Variants in CASD1 observed in about 807,000 individuals in gnomAD.
The protein encoded by CASD1 is N-acetylneuraminate (7)9-O-acetyltransferase.
A neutral mutation model predicts 100.0 loss-of-function variants in CASD1; 41 were observed. The observed-to-expected ratio is 0.41, with a 90% confidence interval of 0.32 to 0.53. The LOEUF is 0.53. Among genes scored for constraint, CASD1 ranks in the 20% least tolerant of loss-of-function variants. The probability of loss-of-function intolerance (pLI) is 0.25; values close to 1 mark genes in which losing one functional copy is unlikely to be tolerated. For synonymous variants in CASD1, 321 were observed against 315.6 expected, an observed-to-expected ratio of 1.02 and a Z score of -0.18; for missense variants, 774 against 948.7, an observed-to-expected ratio of 0.82 and a Z score of 2.42.
At position 94,555,571 on chromosome 7, in the gene CASD1, T is replaced by C; in HGVS notation, c.2207T>C (p.Leu736Pro). Reference sequence around the variant, plus strand: ...GTACTGATACCTGGAAACCCTATGCTCAACATCATTGTCAGCACTTTCATA... The same window carrying C: ...GTACTGATACCTGGAAACCCTATGCCCAACATCATTGTCAGCACTTTCATA... ...ILVLIPGNPM[L>P]NIIVSTFIFV... Residue 736 changes from leucine to proline, a missense_variant, in exon 18 of 18, where the codon CTC (leucine) becomes CCC (proline). Leu to Pro is a moderately conservative substitution (Grantham distance 98). This residue lies in a region of CASD1 where 175 missense variants were observed against 206.9 expected (regional missense o/e 0.85). Transcript: ENST00000297273. 1 of 1,613,542 alleles carries C rather than the reference T, an allele frequency of 6.2e-7. No individual in the cohort carries two copies. Among genetic ancestry groups the C allele is most frequent in the Non-Finnish European group, 8.5e-7 (1 of 1,179,678 alleles).
intron 6 of CASD1, 65 bp from the exon 7 acceptor site, chr7:94,533,614 A>G (rs533438645): frequency 3.5e-4 from 434 of 1,231,654 alleles, no homozygotes; most frequent in Non-Finnish European, 4.7e-4. Flanking sequence ...TACAGTAGGT[A>G]AATTATATAC....
chr7:94,516,587 T>C (rs1034827241), intron 1 of CASD1, among the ~76,000 whole-genome samples: 2 of 152,158 alleles, frequency 1.3e-5, no homozygotes, highest in Non-Finnish European at 2.9e-5. Context: ...TATTTTATTA[T>C]ATCCCCATAG....
At chr7:94,550,383 A>G (rs1795890476) in intron 14 of CASD1, among the ~76,000 whole-genome samples, 1 of 152,052 alleles carries the variant, frequency 6.6e-6, no homozygotes, top group Non-Finnish European at 1.5e-5. Context: ...TCAAAACCAC[A>G]TCTGAATAAA....
the CASD1 span, among the ~76,000 whole-genome samples, chr7:94,630,148 A>T: frequency 6.6e-6 from 1 of 151,892 alleles, no homozygotes; most frequent in East Asian, 1.9e-4. Context: ...TCTTTTTGGT[A>T]ATTTCTTTTT....
the CASD1 span, among the ~76,000 whole-genome samples, chr7:94,616,294 A>C: frequency 1.3e-5 from 2 of 152,092 alleles, no homozygotes; most frequent in African/African-American, 4.8e-5. Context: ...AAAATTTTGC[A>C]CTTATTACTT....
chr7:94,628,514 G>A, the CASD1 span: 1 of 586,276 alleles, frequency 1.7e-6, no homozygotes, highest in Non-Finnish European at 3.0e-6. Flanking sequence ...TTTAAATTAG[G>A]GCACCACGTT....
the CASD1 span, among the ~76,000 whole-genome samples, chr7:94,581,903 G>A: frequency 1.3e-5 from 2 of 152,174 alleles, no homozygotes; most frequent in Non-Finnish European, 2.9e-5. Context: ...CAATGGGATT[G>A]CTGGGTTGAA....
At chr7:94,607,607 A>G in the CASD1 span, among the ~76,000 whole-genome samples, 1 of 150,294 alleles carries the variant, frequency 6.7e-6, no homozygotes, top group Admixed American at 6.6e-5. Context: ...GCAATTTGTG[A>G]AAAAAAAAAT....
chr7:94,586,165 G>A, the CASD1 span, among the ~76,000 whole-genome samples: 5 of 147,346 alleles, frequency 3.4e-5, no homozygotes, highest in African/African-American at 1.0e-4. Flanking sequence ...TATCCAAGAC[G>A]CAAACTCTTG....
the CASD1 span, among the ~76,000 whole-genome samples, chr7:94,601,848 G>A: frequency 6.6e-6 from 1 of 152,012 alleles, no homozygotes; most frequent in Non-Finnish European, 1.5e-5. Flanking sequence ...TTTGGGGGGT[G>A]AAATTTAGGT....
chr7:94,571,161 A>G, the CASD1 span, among the ~76,000 whole-genome samples: 1 of 151,508 alleles, frequency 6.6e-6, no homozygotes, highest in Non-Finnish European at 1.5e-5. Context: ...CTCCCACTGC[A>G]GCCTCCCAAG....
At chr7:94,531,928 A>C (rs1794870151) in intron 5 of CASD1, among the ~76,000 whole-genome samples, 3 of 152,098 alleles carry the variant, frequency 2.0e-5, no homozygotes, top group South Asian at 4.1e-4. Flanking sequence ...TTTGTTTTAT[A>C]AGAGATGTAT....
At chr7:94,605,676 C>T in the CASD1 span, among the ~76,000 whole-genome samples, 1 of 151,618 alleles carries the variant, frequency 6.6e-6, no homozygotes, top group East Asian at 1.9e-4. Context: ...TTAAAAAATA[C>T]AACTGATGTG....
chr7:94,563,280 A>G, the CASD1 span, among the ~76,000 whole-genome samples: 1 of 152,168 alleles, frequency 6.6e-6, no homozygotes, highest in Admixed American at 6.5e-5. Flanking sequence ...AGGCAACATT[A>G]AAGAGGCGTC....
intron 17 of CASD1, 76 bp downstream of exon 17, chr7:94,554,651 A>G (rs1796115571): frequency 4.7e-6 from 4 of 843,554 alleles, no homozygotes; most frequent in African/African-American, 1.7e-5. Flanking sequence ...GTGTGTGTAA[A>G]TATCACACAT....
chr7:94,553,820 AG>A, intron 16 of CASD1: 1 of 151,986 alleles, frequency 6.6e-6, no homozygotes, highest in Non-Finnish European at 1.5e-5. Context: ...ATAAATAAAA[AG>A]AAAATGCAAG....
At chr7:94,601,622 A>T in the CASD1 span, among the ~76,000 whole-genome samples, 2 of 152,078 alleles carry the variant, frequency 1.3e-5, no homozygotes, top group Admixed American at 1.3e-4. Context: ...ACTAAAATAA[A>T]ATGCTGGGGA....
intron 10 of CASD1, among the ~76,000 whole-genome samples, chr7:94,539,411 G>A (rs1255234461): frequency 2.0e-5 from 3 of 152,174 alleles, no homozygotes; most frequent in Non-Finnish European, 4.4e-5. Flanking sequence ...GCTCATGCCT[G>A]TAATCCTAGC....
downstream of CASD1, among the ~76,000 whole-genome samples, chr7:94,561,494 T>C (rs988614144): frequency 2.6e-5 from 4 of 151,960 alleles, no homozygotes; most frequent in Non-Finnish European, 2.9e-5. Flanking sequence ...GCCACTGTTA[T>C]GCCTTCCTTA....
Sources: gnomAD v4.1 joint callset for allele counts (sites outside exome capture counted in the v4.1 genomes callset) on GRCh38, gnomAD v4.1.1 for gene constraint, gnomAD v4.1.1 regional missense constraint, MANE v1.5 for transcripts, NCBI Gene and HGNC (gene_info 2026-07-23, HGNC 2026-07-21) for gene names.